Variants in KIAA1549 observed in about 807,000 individuals in gnomAD.
KIAA1549 encodes KIAA1549.
Under a neutral mutation model 156.4 loss-of-function variants are expected in KIAA1549, and 70 were observed. The ratio of observed to expected loss-of-function variants is 0.45; its 90% CI spans 0.37 to 0.55. The LOEUF (loss-of-function observed/expected upper bound fraction) is 0.55, where lower values mean the gene tolerates loss of function less well. Ranked by LOEUF, KIAA1549 falls within the 20% of genes least tolerant of loss-of-function variation. The pLI, the probability that KIAA1549 is intolerant of heterozygous loss-of-function variation, is 0.00. For missense variants in KIAA1549, 2,428 were observed against 2,540.9 expected (o/e 0.96, Z 0.96); for synonymous variants, 1,103 against 1,066.4 (o/e 1.03, Z -0.67).
At chr7:138,863,486 C>A (rs746543626) in intron 15 of KIAA1549, among the ~76,000 whole-genome samples, 1 of 152,000 alleles carries the variant, frequency 6.6e-6, no homozygotes, top group Non-Finnish European at 1.5e-5. Context: ...TTCTTAACTC[C>A]AAACTGAGAG....
chr7:138,840,390 C>T, intron 18 of KIAA1549, 112 bp from the exon 19 acceptor site: 1 of 921,978 alleles, frequency 1.1e-6, no homozygotes, highest in Non-Finnish European at 1.6e-6. Context: ...TCCTTAATGA[C>T]AAGGGATCAG....
At chr7:138,849,227 T>C (rs931413315) in intron 17 of KIAA1549, among the ~76,000 whole-genome samples, 2 of 152,050 alleles carry the variant, frequency 1.3e-5, no homozygotes, top group African/African-American at 4.8e-5. Flanking sequence ...CTTAATGTGG[T>C]ATTTATTTTC....
intron 10 of KIAA1549, among the ~76,000 whole-genome samples, chr7:138,883,787 C>T (rs1811315080): frequency 6.6e-6 from 1 of 152,208 alleles, no homozygotes; most frequent in East Asian, 1.9e-4. Flanking sequence ...CAAAAGCAAA[C>T]CGAAGCCTTC....
Position 138,844,458 on chromosome 7 carries a change from CG to C in KIAA1549, c.5310del (p.Gly1771ValfsTer54). ...TGPLPRPGFG[P>X]GLLQSTELVP... ...ACCAGCTCTGTAGACTGCAGCAAAC[CG>C]GGGCCAAAACCTGGTCTGAAGGCAA... On this transcript the variant is annotated frameshift_variant, in exon 18 of 20. Coordinates refer to ENST00000422774, the MANE Select transcript of KIAA1549 (RefSeq NM_001164665.2). LOFTEE classifies it high-confidence loss of function. The C allele has an allele frequency of 1.3e-6, 2 of 1,536,456 alleles. No homozygotes were observed. Among genetic ancestry groups the C allele is most frequent in the Non-Finnish European group, 1.7e-6 (2 of 1,144,874 alleles).
chr7:138,862,300 G>C (rs918975303), intron 15 of KIAA1549, among the ~76,000 whole-genome samples: 5 of 151,930 alleles, frequency 3.3e-5, no homozygotes, highest in Non-Finnish European at 7.4e-5. Context: ...AGGAATTTGA[G>C]ACTAACCTAG....
chr7:138,866,004 G>C (rs1394685103), intron 15 of KIAA1549, among the ~76,000 whole-genome samples: 1 of 152,072 alleles, frequency 6.6e-6, no homozygotes, highest in Non-Finnish European at 1.5e-5. Flanking sequence ...TGACAACCCT[G>C]GGGAGCCCTC....
chr7:138,847,797 G>A (rs1375497917), intron 17 of KIAA1549, among the ~76,000 whole-genome samples: 2 of 152,208 alleles, frequency 1.3e-5, no homozygotes, highest in Non-Finnish European at 2.9e-5. Flanking sequence ...CTGGGATTCT[G>A]AATGGGATTG....
chr7:138,916,056 G>T (rs1812311792), intron 2 of KIAA1549, among the ~76,000 whole-genome samples: 1 of 152,214 alleles, frequency 6.6e-6, no homozygotes, highest in Non-Finnish European at 1.5e-5. Flanking sequence ...TGGATTCAGA[G>T]GATATTTAGT....
At chr7:138,872,835 T>G (rs1394253823) in intron 12 of KIAA1549, among the ~76,000 whole-genome samples, 1 of 151,872 alleles carries the variant, frequency 6.6e-6, no homozygotes, top group African/African-American at 2.4e-5. Context: ...GCCCAGGAGG[T>G]AGAGGGTGCA....
At chr7:138,914,909 A>T (rs1812275939) in intron 2 of KIAA1549, among the ~76,000 whole-genome samples, 1 of 152,140 alleles carries the variant, frequency 6.6e-6, no homozygotes, top group Non-Finnish European at 1.5e-5. Context: ...GCTTTCAGTG[A>T]CTCTTTAAAT....
At chr7:138,958,936 G>A (rs1011116875) in intron 1 of KIAA1549, among the ~76,000 whole-genome samples, 2 of 151,758 alleles carry the variant, frequency 1.3e-5, no homozygotes, top group Admixed American at 6.6e-5. Context: ...GTGTTGCTCT[G>A]TCACCCAGGC....
intron 7 of KIAA1549, 126 bp from the exon 8 acceptor site, chr7:138,903,862 C>CAT: frequency 1.5e-6 from 1 of 645,194 alleles, no homozygotes; most frequent in African/African-American, 2.6e-5. Flanking sequence ...TGCGCGCGCG[C>CAT]GCGCGCGCAC....
At chr7:138,891,426 G>A (rs1811544122) in intron 10 of KIAA1549, among the ~76,000 whole-genome samples, 1 of 152,206 alleles carries the variant, frequency 6.6e-6, no homozygotes, top group African/African-American at 2.4e-5. Flanking sequence ...GATCCGGGCT[G>A]GAGTTTTTTA....
intron 1 of KIAA1549, among the ~76,000 whole-genome samples, chr7:138,942,601 G>A (rs79483994): frequency 0.034 from 5,150 of 151,872 alleles, 305 homozygotes; most frequent in African/African-American, 0.12. Flanking sequence ...TGATACATGC[G>A]CTCCCTTACC....
chr7:138,978,880 G>C (rs942373916), intron 1 of KIAA1549, among the ~76,000 whole-genome samples: 3 of 152,084 alleles, frequency 2.0e-5, no homozygotes, highest in African/African-American at 7.2e-5. Flanking sequence ...CAACAGCACC[G>C]CCCAGGCACC....
chr7:138,947,655 A>G (rs143507917), intron 1 of KIAA1549, among the ~76,000 whole-genome samples: 3 of 152,260 alleles, frequency 2.0e-5, no homozygotes, highest in Non-Finnish European at 2.9e-5. Flanking sequence ...ACTTGCTAAC[A>G]TCTGAAGGCA....
At position 138,919,616 on chromosome 7, in the gene KIAA1549, A is replaced by G. The variant is rs989195297; in HGVS notation, c.188-178T>C. On this transcript the variant is annotated intron_variant, in intron 1 of 19. Coordinates refer to ENST00000422774, the MANE Select transcript of KIAA1549 (RefSeq NM_001164665.2). ...ACGAGAAATTGACAGAATTACCATCAGGACAATATCTGCAAATATTCCTAA... is the reference window on the plus strand; with the variant it reads ...ACGAGAAATTGACAGAATTACCATCGGGACAATATCTGCAAATATTCCTAA... 1.8e-5 allele frequency: 20 copies of G among 1,105,708 alleles called. No individual in the cohort carries two copies. The Admixed American group carries it at 5.8e-4, about 32-fold the overall frequency. The allele number at this position is 1,105,708 out of a possible 1,614,324, so 68.5% of individuals were successfully genotyped here.
At chr7:138,849,587 G>T (rs1044880475) in intron 17 of KIAA1549, among the ~76,000 whole-genome samples, 3 of 151,610 alleles carry the variant, frequency 2.0e-5, no homozygotes, top group African/African-American at 7.3e-5. Context: ...TAGGTTCAGG[G>T]GTACATGTGC....
In KIAA1549 at chr7:138,917,478, C is replaced by A. The variant is rs753283721; in HGVS notation, c.2148G>T (p.Val716=). 7.4e-6 allele frequency: 12 copies of A among 1,613,722 alleles called. No individual in the cohort carries two copies. Among genetic ancestry groups the A allele is most frequent in the Non-Finnish European group, 9.3e-6 (11 of 1,179,876 alleles). The change falls in exon 2 of 20, where the codon GTG becomes GTT. Residue 716 remains valine (V), a synonymous_variant. Coordinates refer to ENST00000422774, the MANE Select transcript of KIAA1549 (RefSeq NM_001164665.2). ...TIMLLPSRSE[V]SPWSSFPSDS... is the part of the protein sequence containing the mutation. ...CAGAAGGGAAGCTTGACCATGGTGA[C>A]ACCTCAGAACGGCTAGGTAGCAACA...
Sources: gnomAD v4.1 joint callset for allele counts (sites outside exome capture counted in the v4.1 genomes callset) on GRCh38, gnomAD v4.1.1 for gene constraint, MANE v1.5 for transcripts, NCBI Gene and HGNC (gene_info 2026-07-23, HGNC 2026-07-21) for gene names.